MCHR2: variants seen among roughly 807,000 people sequenced by gnomAD.
MCHR2 encodes melanin-concentrating hormone receptor 2.
In MCHR2, 15 loss-of-function variants were observed where a neutral mutation model predicts 24.8. The ratio of observed to expected loss-of-function variants is 0.60; its 90% CI spans 0.40 to 0.93. MCHR2 has a LOEUF of 0.93. MCHR2 is among the 40% of genes least tolerant of loss of function. The pLI is 0.00. For missense variants in MCHR2, 386 were observed against 408.7 expected (o/e 0.94, Z 0.48); for synonymous variants, 151 against 147.6 (o/e 1.02, Z -0.17).
At chr6:99,959,228 G>C (rs1206660602) in intron 1 of MCHR2, among the ~76,000 whole-genome samples, 3 of 152,052 alleles carry the variant, frequency 2.0e-5, no homozygotes, top group African/African-American at 7.2e-5. Context: ...ACAAAAGATA[G>C]ATACCAATGG....
intron 5 of MCHR2, among the ~76,000 whole-genome samples, chr6:99,924,745 C>G (rs1774314006): frequency 6.6e-6 from 1 of 151,908 alleles, no homozygotes; most frequent in Non-Finnish European, 1.5e-5. Flanking sequence ...CAGTTTTATT[C>G]TATTGTGGTC....
chr6:99,981,660 C>T lies in MCHR2; in HGVS notation c.-28+12276G>A, dbSNP rs145996469. 1.6e-3 allele frequency among the ~76,000 whole-genome samples: 240 copies of T among 152,304 alleles called. 1 individual carries two copies. The highest frequency in any genetic ancestry group is 4.6e-3 in the African/African-American group (193 of 41,566). On this transcript the variant is annotated intron_variant, in intron 1 of 5. Transcript: ENST00000281806. The stretch of plus-strand genomic sequence containing the variant: ...AATGAGATGTAAGGCACCTGGCACA[C>T]GGCAACTAGGAAATGAGTGTTGGTT...
At chr6:99,975,354 G>A (rs567629860) in intron 1 of MCHR2, among the ~76,000 whole-genome samples, 2 of 152,302 alleles carry the variant, frequency 1.3e-5, no homozygotes, top group East Asian at 3.9e-4. Context: ...AGACTCCGTG[G>A]CCGTAGGACC....
intron 1 of MCHR2, among the ~76,000 whole-genome samples, chr6:99,965,941 T>C (rs1430898966): frequency 6.6e-6 from 1 of 152,098 alleles, no homozygotes; most frequent in Non-Finnish European, 1.5e-5. Flanking sequence ...GATTTGGGAG[T>C]ATAATCAATT....
intron 1 of MCHR2, among the ~76,000 whole-genome samples, chr6:99,990,239 C>T (rs1775845841): frequency 6.6e-6 from 1 of 152,170 alleles, no homozygotes; most frequent in African/African-American, 2.4e-5. Flanking sequence ...CTAAATGTGT[C>T]AGACTTGAGT....
intron 4 of MCHR2, among the ~76,000 whole-genome samples, chr6:99,935,297 C>T (rs949939435): frequency 1.3e-5 from 2 of 152,002 alleles, no homozygotes; most frequent in South Asian, 2.1e-4. Context: ...ATTCACCAAA[C>T]ACTAGGTCTT....
chr6:99,969,823 G>A (rs901442262), intron 1 of MCHR2, among the ~76,000 whole-genome samples: 1 of 150,008 alleles, frequency 6.7e-6, no homozygotes, highest in Admixed American at 6.7e-5. Context: ...TTTGGTTTTT[G>A]TCCTTGTGAT....
At chr6:99,934,322 T>G (rs1774606852) in intron 5 of MCHR2, 76 bp downstream of exon 5, 1 of 1,354,606 alleles carries the variant, frequency 7.4e-7, no homozygotes, top group African/African-American at 1.5e-5. Flanking sequence ...AAGTCACTGT[T>G]GCCTAAGTTT....
chr6:99,988,817 T>C (rs1462029030), intron 1 of MCHR2, among the ~76,000 whole-genome samples: 1 of 152,212 alleles, frequency 6.6e-6, no homozygotes, highest in Non-Finnish European at 1.5e-5. Flanking sequence ...TAGTTGATTG[T>C]TATTGGGCAC....
In MCHR2 at chr6:99,933,025, C is replaced by CT. The variant is rs1774578939; in HGVS notation, c.707+1372dup. ...ATCTGTACTATATCTCTACTATCTA[C>CT]TTTTTTAGAAATGCAAATTATTTTA... is the stretch of plus-strand genomic sequence containing the variant. On this transcript the variant is annotated intron_variant, in intron 5 of 5. Coordinates refer to ENST00000281806, the MANE Select transcript of MCHR2 (RefSeq NM_001040179.2). 2.6e-5 allele frequency among the ~76,000 whole-genome samples: 4 copies of CT among 152,132 alleles called. No homozygotes were observed. The South Asian group carries it at 8.3e-4, about 32-fold the overall frequency.
chr6:99,941,935 T>C (rs1384891351), intron 4 of MCHR2, among the ~76,000 whole-genome samples: 1 of 152,128 alleles, frequency 6.6e-6, no homozygotes, highest in Non-Finnish European at 1.5e-5. Context: ...ATGACTTATC[T>C]ATTTGACAAG....
At chr6:99,926,405 G>A (rs868265721) in intron 5 of MCHR2, among the ~76,000 whole-genome samples, 7 of 152,136 alleles carry the variant, frequency 4.6e-5, no homozygotes, top group African/African-American at 9.7e-5. Context: ...CTGAGGAATC[G>A]CCACACTGAC....
intron 1 of MCHR2, among the ~76,000 whole-genome samples, chr6:99,977,169 T>C (rs900786679): frequency 2.6e-5 from 4 of 152,232 alleles, no homozygotes; most frequent in Non-Finnish European, 5.9e-5. Flanking sequence ...AAAAGTTAAT[T>C]TTCTTCTGTT....
intron 1 of MCHR2, among the ~76,000 whole-genome samples, chr6:99,978,506 C>T (rs1407700148): frequency 2.0e-5 from 3 of 150,882 alleles, no homozygotes; most frequent in African/African-American, 7.3e-5. Flanking sequence ...GCCAGCTCCA[C>T]CTCCCGGGTT....
chr6:99,934,529 G>T lies in MCHR2; in HGVS notation c.588-12C>A. 6.5e-7 allele frequency: 1 copy of T among 1,548,006 alleles called. No homozygotes were observed. On this transcript the variant is annotated splice_polypyrimidine_tract_variant and intron_variant, in intron 4 of 5. Coordinates refer to ENST00000281806, the MANE Select transcript of MCHR2 (RefSeq NM_001040179.2). Reference sequence around the variant, plus strand: ...AATAAAGTGTATACCTGTAAAATGAGAGAGAGAAGAGAGAGAGAGAAAGAA... The same window carrying T: ...AATAAAGTGTATACCTGTAAAATGATAGAGAGAAGAGAGAGAGAGAAAGAA...
rs77973762 is a variant in MCHR2 at position 99,943,814 on chromosome 6, G to A, written c.393-671C>T. Among the ~76,000 whole-genome samples, 658 of 152,234 alleles carry A rather than the reference G, an allele frequency of 4.3e-3. 6 individuals carry two copies. Among genetic ancestry groups the A allele is most frequent in the African/African-American group, 0.015 (639 of 41,550 alleles). ...ACAGTGCAAACTCTTTCTTTACAAA[G>A]GGGCTTTTCCTATAAACGAAACTCT... is the stretch of plus-strand genomic sequence containing the variant. On this transcript the variant is annotated intron_variant, in intron 3 of 5. Coordinates refer to ENST00000281806, the MANE Select transcript of MCHR2 (RefSeq NM_001040179.2).
At chr6:99,988,648 C>G (rs1775809472) in intron 1 of MCHR2, among the ~76,000 whole-genome samples, 1 of 151,944 alleles carries the variant, frequency 6.6e-6, no homozygotes, top group Admixed American at 6.6e-5. Flanking sequence ...AAACTCAAGG[C>G]AAGGAAAAAC....
At chr6:99,973,691 G>A (rs1775485232) in intron 1 of MCHR2, among the ~76,000 whole-genome samples, 1 of 152,140 alleles carries the variant, frequency 6.6e-6, no homozygotes, top group South Asian at 2.1e-4. Context: ...TTTTGCAGTG[G>A]CTGGTACCGG....
chr6:99,988,430 A>G (rs1775806468), intron 1 of MCHR2, among the ~76,000 whole-genome samples: 1 of 152,230 alleles, frequency 6.6e-6, no homozygotes, highest in African/African-American at 2.4e-5. Context: ...CATTTTAAAG[A>G]AAGTGCAGTC....
Sources: gnomAD v4.1 joint callset for allele counts (sites outside exome capture counted in the v4.1 genomes callset) on GRCh38, gnomAD v4.1.1 for gene constraint, MANE v1.5 for transcripts, NCBI Gene and HGNC (gene_info 2026-07-23, HGNC 2026-07-21) for gene names.